Variants in WDSUB1 observed in about 807,000 individuals in gnomAD.
WDSUB1 encodes WD repeat, sterile alpha motif and U-box domain containing 1, also known as WD repeat, SAM and U-box domain-containing protein 1.
In WDSUB1, 49 loss-of-function variants were observed where a neutral mutation model predicts 53.9. That is an observed-to-expected ratio of 0.91 (90% CI 0.72 to 1.15). The LOEUF (loss-of-function observed/expected upper bound fraction) is 1.15, where lower values mean the gene tolerates loss of function less well. Among genes scored for constraint, WDSUB1 ranks in the 50% most tolerant of loss-of-function variants. The pLI is 0.00. For synonymous variants in WDSUB1, 194 were observed against 200.6 expected, an observed-to-expected ratio of 0.97 and a Z score of 0.28; for missense variants, 514 against 562.0, an observed-to-expected ratio of 0.91 and a Z score of 0.86.
intron 5 of WDSUB1, among the ~76,000 whole-genome samples, chr2:159,260,415 T>C (rs1188838108): frequency 2.0e-5 from 3 of 152,132 alleles, no homozygotes; most frequent in Non-Finnish European, 4.4e-5. Flanking sequence ...ATCTCTGATA[T>C]ATAAATAAAA....
chr2:159,240,258 G>A (rs974776910), intron 10 of WDSUB1, among the ~76,000 whole-genome samples: 4 of 152,052 alleles, frequency 2.6e-5, no homozygotes, highest in Non-Finnish European at 4.4e-5. Flanking sequence ...ATGGCTATAC[G>A]ACATTTCATG....
chr2:159,269,976 C>T (rs913383214), intron 5 of WDSUB1, among the ~76,000 whole-genome samples: 5 of 152,130 alleles, frequency 3.3e-5, no homozygotes, highest in Non-Finnish European at 1.5e-5. Context: ...TTTTATTATC[C>T]TGGTAGTATC....
intron 4 of WDSUB1, 37 bp from the exon 5 acceptor site, chr2:159,271,832 C>A (rs11902271): frequency 0.072 from 111,041 of 1,537,856 alleles, 9,474 homozygotes; most frequent in African/African-American, 0.39. Flanking sequence ...AGAAAGCTGA[C>A]CATGCTTAGA....
chr2:159,262,189 T>C (rs2061241481), intron 5 of WDSUB1, among the ~76,000 whole-genome samples: 1 of 151,944 alleles, frequency 6.6e-6, no homozygotes, highest in Non-Finnish European at 1.5e-5. Context: ...TTTCCTAGAC[T>C]ACCACCAGAG....
In WDSUB1 at chr2:159,273,863, G is replaced by T. The variant is rs544145147; in HGVS notation, c.676+1683C>A. Among the ~76,000 whole-genome samples the T allele has an allele frequency of 1.8e-4, 27 of 152,206 alleles. 1 individual carries two copies. In the South Asian group the frequency reaches 4.3e-3, roughly 25 times the overall value. ...GAACATATTTATTTCCCGATAAAAG[G>T]TTCTTCTCTATACACTATAAACTAG... On this transcript the variant is annotated intron_variant, in intron 4 of 10. Transcript: ENST00000359774.
At chr2:159,283,570 AGAGTTCT>A (rs1279915722) in intron 1 of WDSUB1, among the ~76,000 whole-genome samples, 1 of 58,646 alleles carries the variant, frequency 1.7e-5, no homozygotes. Context: ...CTCCATCTCT[AGAGTTCT>A]AGAAAATAGA....
chr2:159,265,430 T>A (rs1013072697), intron 5 of WDSUB1, among the ~76,000 whole-genome samples: 1 of 152,156 alleles, frequency 6.6e-6, no homozygotes, highest in Non-Finnish European at 1.5e-5. Flanking sequence ...AGACTTTATT[T>A]GAATTACAAA....
chr2:159,261,882 A>C (rs1558856369), intron 5 of WDSUB1, among the ~76,000 whole-genome samples: 1 of 19,892 alleles, frequency 5.0e-5, no homozygotes, highest in East Asian at 2.3e-3. Context: ...ATATATATAT[A>C]TATATATATA....
chr2:159,259,021 T>G (rs1377738904), intron 6 of WDSUB1, among the ~76,000 whole-genome samples: 1 of 151,966 alleles, frequency 6.6e-6, no homozygotes, highest in Admixed American at 6.6e-5. Flanking sequence ...GGACAATATT[T>G]TTTTCAACTA....
chr2:159,240,203 A>G (rs2060607575), intron 10 of WDSUB1, among the ~76,000 whole-genome samples: 1 of 151,602 alleles, frequency 6.6e-6, no homozygotes, highest in Non-Finnish European at 1.5e-5. Context: ...TCCAAGGTCC[A>G]TCCTCTACAT....
At chr2:159,280,708 A>C (rs74382757) in intron 2 of WDSUB1, among the ~76,000 whole-genome samples, 12,086 of 134,300 alleles carry the variant, frequency 0.09, 2,191 homozygotes, top group African/African-American at 0.29. Flanking sequence ...AAAAAAAAAA[A>C]ATTACCCAGA....
chr2:159,279,997 T>C, intron 2 of WDSUB1, 52 bp from the exon 3 acceptor site: 1 of 1,499,258 alleles, frequency 6.7e-7, no homozygotes, highest in African/African-American at 1.4e-5. Flanking sequence ...CTTTACTTTA[T>C]ACCACAGTCT....
chr2:159,268,239 A>G (rs1308041002), intron 5 of WDSUB1, among the ~76,000 whole-genome samples: 1 of 152,240 alleles, frequency 6.6e-6, no homozygotes, highest in Non-Finnish European at 1.5e-5. Context: ...TGTCTTCAAG[A>G]GCACAAACAC....
chr2:159,238,463 A>G (rs1451535552), intron 10 of WDSUB1, among the ~76,000 whole-genome samples: 1 of 152,050 alleles, frequency 6.6e-6, no homozygotes, highest in Non-Finnish European at 1.5e-5. Context: ...TTCCCTTTTT[A>G]TGTCTGGGTT....
intron 9 of WDSUB1, among the ~76,000 whole-genome samples, chr2:159,249,151 A>C (rs1052540741): frequency 1.3e-5 from 2 of 152,228 alleles, no homozygotes; most frequent in Non-Finnish European, 2.9e-5. Context: ...TACACAACAA[A>C]AAATTTCCTA....
Position 159,279,964 on chromosome 2 carries a change from G to T in WDSUB1, c.399-19C>A. ...ACCACATCTGAAATAAAAGCAAAAAGTGGGTTTTCATTTCAGAGTATCCTT... is the reference window on the plus strand; with the variant it reads ...ACCACATCTGAAATAAAAGCAAAAATTGGGTTTTCATTTCAGAGTATCCTT... On this transcript the variant is annotated intron_variant, in intron 2 of 10. Coordinates refer to ENST00000359774, the MANE Select transcript of WDSUB1 (RefSeq NM_001128212.3). The T allele has an allele frequency of 6.3e-7, 1 of 1,592,294 alleles. No homozygotes were observed. The highest frequency in any genetic ancestry group is 8.6e-7 in the Non-Finnish European group (1 of 1,165,944).
rs374038625 is a variant in WDSUB1 at position 159,250,088 on chromosome 2, C to CAAAAAA, written c.1133-1582_1133-1577dup. 3.5e-3 allele frequency among the ~76,000 whole-genome samples: 290 copies of CAAAAAA among 83,502 alleles called. 4 individuals carry two copies. The highest frequency in any genetic ancestry group is 9.5e-3 in the African/African-American group (267 of 28,104). 54.8% of individuals were successfully genotyped at this position (83,502 alleles called of 152,430 possible). A position where few individuals can be genotyped will look rare whatever the true frequency, so the allele number is the denominator to read the frequency against. ...TGGGCGACACAGTGAGACTCTGCCTCAAAAAAAAAAAAAAAAAAAGAAGGG... is the reference window on the plus strand; with the variant it reads ...TGGGCGACACAGTGAGACTCTGCCTCAAAAAAAAAAAAAAAAAAAAAAAAAGAAGGG... On this transcript the variant is annotated intron_variant, in intron 9 of 10. Transcript: ENST00000359774.
chr2:159,241,333 G>A (rs2060641287), intron 10 of WDSUB1, among the ~76,000 whole-genome samples: 1 of 152,164 alleles, frequency 6.6e-6, no homozygotes, highest in African/African-American at 2.4e-5. Flanking sequence ...TATCTTGGCT[G>A]GGCACATCAC....
At chr2:159,259,036 A>ATTTTTTTTTTTTTTTTTTTT (rs1553629127) in intron 6 of WDSUB1, among the ~76,000 whole-genome samples, 4 of 150,612 alleles carry the variant, frequency 2.7e-5, no homozygotes, top group African/African-American at 9.7e-5. Context: ...CAACTACTTT[A>ATTTTTTTTTTTTTTTTTTTT]TTTTTGAGAC....
Sources: gnomAD v4.1 joint callset for allele counts (sites outside exome capture counted in the v4.1 genomes callset) on GRCh38, gnomAD v4.1.1 for gene constraint, MANE v1.5 for transcripts, NCBI Gene and HGNC (gene_info 2026-07-23, HGNC 2026-07-21) for gene names.